The following TMEM178B variants were observed in gnomAD, a reference collection of about 807,000 sequenced individuals.
The protein encoded by TMEM178B is transmembrane protein 178B.
Under a neutral mutation model 31.0 loss-of-function variants are expected in TMEM178B, and 5 were observed. That is an observed-to-expected ratio of 0.16 (90% confidence interval 0.08 to 0.34). TMEM178B has a LOEUF of 0.34. Among genes scored for constraint, TMEM178B ranks in the 10% least tolerant of loss-of-function variants. The probability of loss-of-function intolerance (pLI) is 1.00; values close to 1 mark genes in which losing one functional copy is unlikely to be tolerated. For synonymous variants in TMEM178B, 164 were observed against 164.0 expected, an observed-to-expected ratio of 1.00 and a Z score of 0.00; for missense variants, 275 against 400.3, an observed-to-expected ratio of 0.69 and a Z score of 2.67.
At chr7:141,186,487 T>G (rs1796611940) in intron 1 of TMEM178B, among the ~76,000 whole-genome samples, 1 of 152,208 alleles carries the variant, frequency 6.6e-6, no homozygotes, top group South Asian at 2.1e-4. Context: ...TCCTTGTCCA[T>G]CTCCCTCCTG....
At chr7:141,084,939 C>T (rs1563083400) in intron 1 of TMEM178B, among the ~76,000 whole-genome samples, 1 of 151,884 alleles carries the variant, frequency 6.6e-6, no homozygotes, top group African/African-American at 2.4e-5. Context: ...AGTGCAATGG[C>T]ACGATCTCGG....
At chr7:141,247,119 T>C (rs917767) in intron 2 of TMEM178B, among the ~76,000 whole-genome samples, 71,590 of 151,450 alleles carry the variant, frequency 0.47, 17,340 homozygotes, top group East Asian at 0.8. Flanking sequence ...CGCTCTCTCT[T>C]TCTATGTATA....
intron 2 of TMEM178B, among the ~76,000 whole-genome samples, chr7:141,349,102 T>C (rs1011120114): frequency 3.3e-5 from 5 of 152,246 alleles, no homozygotes; most frequent in African/African-American, 1.2e-4. Context: ...TAGTAGCTAA[T>C]TGATATTGTT....
chr7:141,178,957 T>A (rs1405131829), intron 1 of TMEM178B, among the ~76,000 whole-genome samples: 2 of 152,148 alleles, frequency 1.3e-5, no homozygotes, highest in Admixed American at 6.5e-5. Context: ...TGTGAATGGG[T>A]GTTGGGCTTG....
rs543347071 is a variant in TMEM178B at position 141,285,276 on chromosome 7, G to A, written c.496+72572G>A. On this transcript the variant is annotated intron_variant, in intron 2 of 3. Transcript: ENST00000565468. ...CGCCATTCTCCTGCCTCAGCCTCCC[G>A]AGTAGCTGGGACTAGAGGTGCCCGC... Among the ~76,000 whole-genome samples, 17 of 146,718 alleles carry A rather than the reference G, an allele frequency of 1.2e-4. No individual in the cohort carries two copies. In the South Asian group the frequency reaches 1.3e-3, roughly 12 times the overall value.
intron 2 of TMEM178B, among the ~76,000 whole-genome samples, chr7:141,354,039 C>G (rs768139349): frequency 2.0e-5 from 3 of 152,152 alleles, no homozygotes; most frequent in Non-Finnish European, 4.4e-5. Flanking sequence ...TTAAAAGGAT[C>G]AAATGAGAGA....
chr7:141,212,497 GTCT>G (rs1352582249), intron 1 of TMEM178B, 91 bp from the exon 2 acceptor site: 4 of 1,045,654 alleles, frequency 3.8e-6, no homozygotes, highest in East Asian at 5.2e-5. Flanking sequence ...TATGAAAGAA[GTCT>G]TCTTCTCCAG....
intron 2 of TMEM178B, among the ~76,000 whole-genome samples, chr7:141,327,623 T>G (rs1053917914): frequency 6.6e-6 from 1 of 152,178 alleles, no homozygotes; most frequent in Non-Finnish European, 1.5e-5. Context: ...TTTCTATGTG[T>G]CCCAGAAAGT....
chr7:141,140,474 A>G (rs889927535), intron 1 of TMEM178B, among the ~76,000 whole-genome samples: 2 of 152,260 alleles, frequency 1.3e-5, no homozygotes, highest in African/African-American at 2.4e-5. Flanking sequence ...AATCCTGCCC[A>G]TAGTTCCTAT....
Position 141,479,617 on chromosome 7 carries a change from T to C in TMEM178B, c.*8831T>C, listed in dbSNP as rs753869717. On this transcript the variant is annotated 3_prime_UTR_variant, in exon 4 of 4. Transcript: ENST00000565468. ...CAACGGTCAGTATAACAAGGTTTGA[T>C]TGATTTAAAATATAACATTCTGAGC... 6.6e-6 allele frequency: 1 copy of C among 152,208 alleles called. No homozygotes were observed. The highest frequency in any genetic ancestry group is 2.4e-5 in the African/African-American group (1 of 41,450). The allele number at this position is 152,208 out of a possible 1,614,324, so 9.4% of individuals were successfully genotyped here. A position where few individuals can be genotyped will look rare whatever the true frequency, so the allele number is the denominator to read the frequency against.
rs150535593 is a variant in TMEM178B, at chr7:141,471,769, G to GGT, written c.*993_*994dup. 2.9e-3 allele frequency: 368 copies of GGT among 128,612 alleles called. 1 individual carries two copies. Among genetic ancestry groups the GGT allele is most frequent in the African/African-American group, 9.7e-3 (331 of 34,282 alleles). The allele number at this position is 128,612 out of a possible 1,614,324, so 8.0% of individuals were successfully genotyped here. A position where few individuals can be genotyped will look rare whatever the true frequency, so the allele number is the denominator to read the frequency against. On this transcript the variant is annotated 3_prime_UTR_variant, in exon 4 of 4. Transcript: ENST00000565468. This position sits in a 1 kb window ranked among gnomAD's most constrained non-coding sequence, Gnocchi z 4.1. The stretch of plus-strand genomic sequence containing the variant: ...TTCTGCAGCTACAGATCCCTGGAGT[G>GGT]GTGTGTGTGTGCGTGTGTGTGTGTG...
At chr7:141,229,566 A>C (rs1172640321) in intron 2 of TMEM178B, among the ~76,000 whole-genome samples, 1 of 152,150 alleles carries the variant, frequency 6.6e-6, no homozygotes, top group Admixed American at 6.5e-5. Context: ...TTATTATAGA[A>C]AAAAATCAAC....
chr7:141,170,363 C>T lies in TMEM178B; in HGVS notation c.383-42228C>T, dbSNP rs1049853518. On this transcript the variant is annotated intron_variant, in intron 1 of 3. Transcript: ENST00000565468. ...CAGGACCCCCAAAATAGGTATAATC[C>T]GTCTTACAGTGGATTATACCTTGTT... Among the ~76,000 whole-genome samples, 11 of 152,072 alleles carry T rather than the reference C, an allele frequency of 7.2e-5. 1 individual carries two copies. Among genetic ancestry groups the T allele is most frequent in the Middle Eastern group, 3.4e-3 (1 of 294 alleles).
At chr7:141,447,974 G>A (rs999065790) in intron 3 of TMEM178B, among the ~76,000 whole-genome samples, 4 of 151,790 alleles carry the variant, frequency 2.6e-5, no homozygotes, top group Non-Finnish European at 4.4e-5. Context: ...CCCTGAGCCC[G>A]GAACTCCATA....
Position 141,177,643 on chromosome 7 carries a change from A to G in TMEM178B, c.383-34948A>G, listed in dbSNP as rs1036277911. On this transcript the variant is annotated intron_variant, in intron 1 of 3. Coordinates refer to ENST00000565468, the MANE Select transcript of TMEM178B (RefSeq NM_001195278.2). ...CTGGGTGTTCCTTTATTGGGTGCAT[A>G]TATATTTAGGATAGTTAGCTCTTGT... is the stretch of plus-strand genomic sequence containing the variant. 3.3e-5 allele frequency among the ~76,000 whole-genome samples: 5 copies of G among 152,174 alleles called. 1 individual carries two copies. Among genetic ancestry groups the G allele is most frequent in the Admixed American group, 3.3e-4 (5 of 15,270 alleles).
chr7:141,324,356 A>G (rs900331004), intron 2 of TMEM178B, among the ~76,000 whole-genome samples: 7 of 142,598 alleles, frequency 4.9e-5, no homozygotes, highest in Non-Finnish European at 9.1e-5. Context: ...ATATATTTTG[A>G]CCCAACAAGA....
intron 1 of TMEM178B, among the ~76,000 whole-genome samples, chr7:141,153,418 A>G (rs1237786809): frequency 1.3e-5 from 2 of 152,230 alleles, no homozygotes; most frequent in Non-Finnish European, 2.9e-5. Context: ...GTTATAAATA[A>G]TGCCATGGTA....
intron 3 of TMEM178B, among the ~76,000 whole-genome samples, chr7:141,450,227 C>T (rs184487314): frequency 1.4e-4 from 21 of 152,340 alleles, no homozygotes; most frequent in African/African-American, 5.1e-4. Context: ...TCAAGGACTT[C>T]CAAGATCTGG....
intron 2 of TMEM178B, among the ~76,000 whole-genome samples, chr7:141,435,619 G>A (rs1801521547): frequency 6.6e-6 from 1 of 152,194 alleles, no homozygotes; most frequent in Admixed American, 6.5e-5. Context: ...CAATAAGAAG[G>A]GGCAGGAGTG....
Sources: allele counts gnomAD v4.1 joint callset (sites outside exome capture counted in the v4.1 genomes callset), GRCh38; gene constraint gnomAD v4.1.1; non-coding constraint Gnocchi (gnomAD v3.1); transcripts MANE v1.5; gene names NCBI Gene and HGNC (gene_info 2026-07-23, HGNC 2026-07-21).